Variants in STOX1 observed in about 807,000 individuals in gnomAD.
STOX1 encodes storkhead-box protein 1.
In STOX1, 57 loss-of-function variants were observed where a neutral mutation model predicts 74.8. That is an observed-to-expected ratio of 0.76 (90% confidence interval 0.62 to 0.95). The LOEUF is 0.95. Ranked by LOEUF, STOX1 falls within the 40% of genes least tolerant of loss-of-function variation. The pLI is 0.00. For missense variants in STOX1, 1,010 were observed against 1,117.0 expected (o/e 0.90, Z 1.37); for synonymous variants, 375 against 401.3 (o/e 0.93, Z 0.78).
chr10:68,870,501 C>T (rs1015835857), intron 1 of STOX1, among the ~76,000 whole-genome samples: 5 of 152,174 alleles, frequency 3.3e-5, no homozygotes, highest in African/African-American at 1.2e-4. Flanking sequence ...TGTCCTAATA[C>T]CTGGAACCTG....
At chr10:68,842,230 G>A (rs145547253) in intron 1 of STOX1, among the ~76,000 whole-genome samples, 68 of 152,308 alleles carry the variant, frequency 4.5e-4, no homozygotes, top group African/African-American at 1.5e-3. Context: ...AAGGGGCAGA[G>A]TTTGGACATC....
Position 68,886,041 on chromosome 10 carries a change from C to T in STOX1, c.2245C>T (p.Arg749Cys), listed in dbSNP as rs751266360. ...TGACATTTCTGAGAATGACGACTTA[C>T]GTCAAATGCTGCCTGGCCACAGTCA... Reference protein sequence around the residue: ...EDDISENDDLRQMLPGHSQYS... With the variant: ...EDDISENDDLCQMLPGHSQYS... The change falls in exon 3 of 4, where the codon CGT (arginine) becomes TGT (cysteine). Residue 749 changes from arginine (R) to cysteine (C), a missense_variant. Arg to Cys is a radical substitution (Grantham distance 180, BLOSUM62 -3). Coordinates refer to ENST00000298596, the MANE Select transcript of STOX1 (RefSeq NM_152709.5). 3.1e-5 allele frequency: 50 copies of T among 1,614,162 alleles called. No homozygotes were observed. The highest frequency in any genetic ancestry group is 4.1e-5 in the Non-Finnish European group (48 of 1,180,034).
At chr10:68,840,964 T>C (rs1839679021) in intron 1 of STOX1, among the ~76,000 whole-genome samples, 1 of 151,780 alleles carries the variant, frequency 6.6e-6, no homozygotes, top group Non-Finnish European at 1.5e-5. Flanking sequence ...TTTTTTTTTT[T>C]GGAGACAGTG....
At chr10:68,850,045 C>A (rs1839945456) in intron 1 of STOX1, among the ~76,000 whole-genome samples, 1 of 152,264 alleles carries the variant, frequency 6.6e-6, no homozygotes, top group Admixed American at 6.5e-5. Context: ...GAGATGGAGT[C>A]TTGCTGTTGC....
intron 1 of STOX1, among the ~76,000 whole-genome samples, chr10:68,830,867 G>A (rs1839388880): frequency 6.6e-6 from 1 of 152,146 alleles, no homozygotes; most frequent in South Asian, 2.1e-4. Flanking sequence ...GCTTTGAATA[G>A]CGTTGCTAAT....
rs772628218 is a variant in STOX1, at chr10:68,886,178, TAAAAG to T, written c.2386_2390del (p.Arg796Ter). 2.5e-5 allele frequency: 40 copies of T among 1,614,046 alleles called. 1 individual carries two copies. The South Asian group carries it at 4.4e-4, about 18-fold the overall frequency. On this transcript the variant is annotated frameshift_variant, in exon 3 of 4. Transcript: ENST00000298596. LOFTEE classifies it high-confidence loss of function. ...TGGAGAGGGTTGAGTCTCAGGTGCT[TAAAAG>T]AAATGAATGCTACAAACCCACTGGG...
In STOX1 at chr10:68,885,861, A is replaced by G. The variant is rs989065199; in HGVS notation, c.2065A>G (p.Lys689Glu). 3 of 1,614,114 alleles carry G rather than the reference A, an allele frequency of 1.9e-6. No homozygotes were observed. The highest frequency in any genetic ancestry group is 2.2e-5 in the South Asian group (2 of 91,090). ...NPLRQAARQDKDSEELLRKGF... is the reference protein window; with the variant it reads ...NPLRQAARQDEDSEELLRKGF... The stretch of plus-strand genomic sequence containing the variant: ...TTTAAGACAAGCTGCAAGACAAGAC[A>G]AAGACTCAGAAGAATTATTGAGAAA... Residue 689 changes from lysine (K) to glutamate (E), a missense_variant, in exon 3 of 4, where the codon AAA (lysine) becomes GAA (glutamate). By Grantham distance (56) the Lys-to-Glu change is moderately conservative (BLOSUM62 1). Coordinates refer to ENST00000298596, the MANE Select transcript of STOX1 (RefSeq NM_152709.5).
intron 1 of STOX1, among the ~76,000 whole-genome samples, chr10:68,834,115 G>T (rs1479739982): frequency 6.6e-6 from 1 of 152,194 alleles, no homozygotes; most frequent in African/African-American, 2.4e-5. Context: ...CGAAAGGGAA[G>T]TGATGGGAGG....
intron 3 of STOX1, 142 bp downstream of exon 3, chr10:68,886,760 C>G: frequency 1.4e-6 from 1 of 702,524 alleles, no homozygotes; most frequent in Non-Finnish European, 2.4e-6. Flanking sequence ...AACCCCATCT[C>G]TACTAAAAAT....
chr10:68,827,628 C>A lies in STOX1; in HGVS notation c.5C>A (p.Ala2Asp), dbSNP rs1219766128. Reference sequence around the variant, plus strand: ...CTCCCGGCCGCCGGCGAAAGCATGGCCCGGCCCGTGCAGCTGGCGCCGGGC... The same window carrying A: ...CTCCCGGCCGCCGGCGAAAGCATGGACCGGCCCGTGCAGCTGGCGCCGGGC... The part of the protein sequence containing the change: M[A>D]RPVQLAPGSL... Residue 2 changes from alanine to aspartate, a missense_variant, in exon 1 of 4, where the codon GCC becomes GAC. Coordinates refer to ENST00000298596, the MANE Select transcript of STOX1 (RefSeq NM_152709.5). 2.6e-6 allele frequency: 3 copies of A among 1,148,758 alleles called. No homozygotes were observed. The highest frequency in any genetic ancestry group is 3.2e-6 in the Non-Finnish European group (3 of 934,568). The allele number at this position is 1,148,758 out of a possible 1,614,324, so 71.2% of individuals were successfully genotyped here.
At chr10:68,873,555 C>T (rs1219019387) in intron 1 of STOX1, among the ~76,000 whole-genome samples, 2 of 98,054 alleles carry the variant, frequency 2.0e-5, no homozygotes, top group Non-Finnish European at 3.9e-5. Context: ...GCCACCGCGC[C>T]TGGCCTTTTT....
intron 1 of STOX1, among the ~76,000 whole-genome samples, chr10:68,829,497 A>G (rs1839351168): frequency 6.6e-6 from 1 of 152,178 alleles, no homozygotes. Context: ...AGCCTGGGTG[A>G]CAAGAGCGAA....
intron 1 of STOX1, among the ~76,000 whole-genome samples, chr10:68,829,718 C>G (rs1387031645): frequency 2.0e-5 from 3 of 152,028 alleles, no homozygotes; most frequent in Admixed American, 1.3e-4. Context: ...CTCCTCCCCA[C>G]CCCGCCCCCG....
chr10:68,856,691 G>A (rs913467210), intron 1 of STOX1, among the ~76,000 whole-genome samples: 17 of 152,142 alleles, frequency 1.1e-4, no homozygotes, highest in Middle Eastern at 6.8e-3. Flanking sequence ...TTGCTGCAGC[G>A]TGGCCCTGCA....
chr10:68,851,117 G>T (rs2133536050), intron 1 of STOX1, among the ~76,000 whole-genome samples: 1 of 151,930 alleles, frequency 6.6e-6, no homozygotes, highest in Middle Eastern at 3.4e-3. Context: ...GACCAGCCTG[G>T]GCAACATAGG....
At chr10:68,867,968 G>C (rs753491187) in intron 1 of STOX1, among the ~76,000 whole-genome samples, 26 of 151,450 alleles carry the variant, frequency 1.7e-4, no homozygotes, top group Non-Finnish European at 3.1e-4. Context: ...TTCGACCCTT[G>C]TCTTATTTTT....
rs755413744 is a variant in STOX1, at chr10:68,886,597, A to G, written c.2801A>G (p.Asp934Gly). The G allele has an allele frequency of 3.2e-5, 52 of 1,614,052 alleles. No individual in the cohort carries two copies. Among genetic ancestry groups the G allele is most frequent in the Non-Finnish European group, 4.0e-5 (47 of 1,180,032 alleles). Reference protein sequence around the residue: ...EGTENHSMAGDSGIDSPRTQS... With the variant: ...EGTENHSMAGGSGIDSPRTQS... ...ACAGAAAATCACAGCATGGCAGGAG[A>G]TAGTGGAATAGATTCTCCACGGTAG... Residue 934 changes from aspartate (D) to glycine (G), a missense_variant, in exon 3 of 4, where the codon GAT becomes GGT. Transcript: ENST00000298596.
At chr10:68,870,835 T>C (rs1322121356) in intron 1 of STOX1, among the ~76,000 whole-genome samples, 1 of 152,166 alleles carries the variant, frequency 6.6e-6, no homozygotes, top group Non-Finnish European at 1.5e-5. Context: ...AAGGAACTGA[T>C]ATCTGCCAAA....
chr10:68,835,721 T>C (rs1472599038), intron 1 of STOX1, among the ~76,000 whole-genome samples: 2 of 152,258 alleles, frequency 1.3e-5, no homozygotes, highest in African/African-American at 4.8e-5. Flanking sequence ...TTCGATATCC[T>C]TCCGCTTATG....
Sources: gnomAD v4.1 joint callset for allele counts (sites outside exome capture counted in the v4.1 genomes callset) on GRCh38, gnomAD v4.1.1 for gene constraint, MANE v1.5 for transcripts, NCBI Gene and HGNC (gene_info 2026-07-23, HGNC 2026-07-21) for gene names.